The following RASGRP3 variants were observed in gnomAD, a reference collection of about 807,000 sequenced individuals.
The protein encoded by RASGRP3 is RAS guanyl releasing protein 3, also known as ras guanyl-releasing protein 3.
Under a neutral mutation model 82.7 loss-of-function variants are expected in RASGRP3, and 54 were observed. The observed-to-expected ratio is 0.65, with a 90% CI of 0.52 to 0.82. The LOEUF (loss-of-function observed/expected upper bound fraction) is 0.82. RASGRP3 is among the 40% of genes least tolerant of loss of function. The pLI is 0.00. For missense variants in RASGRP3, 861 were observed against 828.9 expected (o/e 1.04, Z -0.48); for synonymous variants, 309 against 300.5 (o/e 1.03, Z -0.29).
At chr2:33,530,525 C>G (rs1421074933) in intron 10 of RASGRP3, among the ~76,000 whole-genome samples, 1 of 96,206 alleles carries the variant, frequency 1.0e-5, no homozygotes, top group Non-Finnish European at 2.0e-5. Flanking sequence ...TTTTTTTAAA[C>G]TAAAGAAGAA....
At chr2:33,448,502 C>T (rs1385751547) in intron 2 of RASGRP3, among the ~76,000 whole-genome samples, 1 of 152,164 alleles carries the variant, frequency 6.6e-6, no homozygotes, top group Non-Finnish European at 1.5e-5. Flanking sequence ...ATGAAGTTCT[C>T]ATATATGCTA....
At chr2:33,525,158 C>G (rs962330934) in intron 9 of RASGRP3, among the ~76,000 whole-genome samples, 1 of 150,848 alleles carries the variant, frequency 6.6e-6, no homozygotes, top group African/African-American at 2.4e-5. Flanking sequence ...TCTATTTGGT[C>G]CTACTATGTG....
At chr2:33,440,298 G>C (rs1665155857) in intron 1 of RASGRP3, among the ~76,000 whole-genome samples, 1 of 152,216 alleles carries the variant, frequency 6.6e-6, no homozygotes, top group African/African-American at 2.4e-5. Context: ...TTCTGCCTCT[G>C]CAACCATCTA....
At chr2:33,560,796 T>G (rs747803395) in intron 17 of RASGRP3, among the ~76,000 whole-genome samples, 15 of 152,368 alleles carry the variant, frequency 9.8e-5, no homozygotes, top group African/African-American at 1.4e-4. Flanking sequence ...AACCTGCTTT[T>G]GTTTAACAAA....
chr2:33,549,169 C>G (rs1340651767), intron 13 of RASGRP3, among the ~76,000 whole-genome samples: 2 of 152,136 alleles, frequency 1.3e-5, no homozygotes, highest in East Asian at 3.9e-4. Context: ...GGAGCCCGGA[C>G]AGCATCAAGC....
chr2:33,537,903 G>T (rs1673815575), intron 11 of RASGRP3, among the ~76,000 whole-genome samples: 1 of 152,176 alleles, frequency 6.6e-6, no homozygotes, highest in Non-Finnish European at 1.5e-5. Context: ...AAAATCTGTG[G>T]AGAAAGAAAG....
chr2:33,549,689 A>G lies in RASGRP3; in HGVS notation c.1480A>G (p.Ile494Val), dbSNP rs190747493. ...QLHCKMGPGFIHNFQEMTYLK... is the reference protein window; with the variant it reads ...QLHCKMGPGFVHNFQEMTYLK... Reference sequence around the variant, plus strand: ...ACACTGTAAAATGGGACCAGGATTTATCCATAATTTTCAGGAGATGACCTA... The same window carrying G: ...ACACTGTAAAATGGGACCAGGATTTGTCCATAATTTTCAGGAGATGACCTA... Residue 494 changes from isoleucine (I) to valine (V), a missense_variant, in exon 14 of 18, where the codon ATC (isoleucine) becomes GTC (valine). Transcript: ENST00000403687. 2.5e-6 allele frequency: 4 copies of G among 1,613,966 alleles called. No individual in the cohort carries two copies. Among genetic ancestry groups the G allele is most frequent in the African/African-American group, 1.3e-5 (1 of 75,060 alleles).
intron 2 of RASGRP3, among the ~76,000 whole-genome samples, chr2:33,512,235 G>A (rs967182196): frequency 2.6e-5 from 4 of 152,156 alleles, no homozygotes; most frequent in African/African-American, 7.2e-5. Flanking sequence ...AACCCTAAAC[G>A]TGGTGATGAG....
intron 7 of RASGRP3, among the ~76,000 whole-genome samples, chr2:33,523,574 T>C (rs1028618646): frequency 9.9e-5 from 15 of 152,092 alleles, no homozygotes; most frequent in Non-Finnish European, 1.9e-4. Context: ...GTGAATCTTA[T>C]CACCTAGTAA....
intron 2 of RASGRP3, among the ~76,000 whole-genome samples, chr2:33,452,730 C>A (rs1665864877): frequency 6.6e-6 from 1 of 152,192 alleles, no homozygotes; most frequent in South Asian, 2.1e-4. Context: ...CAGGGGTTGG[C>A]CTAGAGGTTG....
At chr2:33,514,595 G>A (rs1479297003) in intron 2 of RASGRP3, among the ~76,000 whole-genome samples, 1 of 151,564 alleles carries the variant, frequency 6.6e-6, no homozygotes, top group Non-Finnish European at 1.5e-5. Flanking sequence ...AGAAGTGGGA[G>A]AATTGCTTGA....
intron 2 of RASGRP3, among the ~76,000 whole-genome samples, chr2:33,471,441 C>A (rs577531897): frequency 9.9e-5 from 15 of 151,788 alleles, no homozygotes; most frequent in South Asian, 2.1e-4. Context: ...CTTGGCCTCC[C>A]AAAGCACTGG....
intron 13 of RASGRP3, among the ~76,000 whole-genome samples, chr2:33,544,458 T>C (rs1050812866): frequency 6.6e-6 from 1 of 152,142 alleles, no homozygotes; most frequent in Admixed American, 6.5e-5. Flanking sequence ...CGTCAAATGA[T>C]TCCTAAAAAT....
chr2:33,472,656 G>A (rs1051898143), upstream of RASGRP3, among the ~76,000 whole-genome samples: 21 of 151,960 alleles, frequency 1.4e-4, no homozygotes, highest in African/African-American at 4.1e-4. Flanking sequence ...TTGGTCAGTT[G>A]GGACAAATAG....
intron 2 of RASGRP3, among the ~76,000 whole-genome samples, chr2:33,460,445 A>G (rs944904032): frequency 6.6e-5 from 10 of 152,104 alleles, no homozygotes; most frequent in African/African-American, 2.4e-4. Context: ...GAGGGTTATT[A>G]CATTTTTCCT....
At chr2:33,481,264 C>G (rs1032268547) in intron 1 of RASGRP3, 6 of 152,348 alleles carry the variant, frequency 3.9e-5, no homozygotes, top group East Asian at 1.9e-4. Context: ...CGGGTTCACA[C>G]CATTCTTCTG....
At chr2:33,517,169 T>C (rs1055199036) in intron 4 of RASGRP3, among the ~76,000 whole-genome samples, 2 of 152,214 alleles carry the variant, frequency 1.3e-5, no homozygotes, top group Non-Finnish European at 2.9e-5. Context: ...TTAGATTTTC[T>C]TCTGAAATGA....
chr2:33,492,114 A>G (rs920039826), intron 1 of RASGRP3, among the ~76,000 whole-genome samples: 1 of 152,224 alleles, frequency 6.6e-6, no homozygotes, highest in Admixed American at 6.5e-5. Flanking sequence ...GACTCCAAAC[A>G]ACTGATGGTG....
chr2:33,518,177 C>G (rs1032201529), intron 4 of RASGRP3, among the ~76,000 whole-genome samples: 5 of 152,222 alleles, frequency 3.3e-5, no homozygotes, highest in Admixed American at 2.6e-4. Flanking sequence ...TGCACTCACA[C>G]AAGCCTAGAT....
Sources: gnomAD v4.1 joint callset for allele counts (sites outside exome capture counted in the v4.1 genomes callset) on GRCh38, gnomAD v4.1.1 for gene constraint, MANE v1.5 for transcripts, NCBI Gene and HGNC (gene_info 2026-07-23, HGNC 2026-07-21) for gene names.